TXNDC16: variants seen among roughly 807,000 people sequenced by gnomAD.
TXNDC16 encodes the protein thioredoxin domain-containing protein 16.
Under a neutral mutation model 85.6 loss-of-function variants are expected in TXNDC16, and 74 were observed. That is an observed-to-expected ratio of 0.86 (90% confidence interval 0.72 to 1.05). The LOEUF (loss-of-function observed/expected upper bound fraction) is 1.05, where lower values mean the gene tolerates loss of function less well. Ranked by LOEUF, TXNDC16 falls within the 50% of genes least tolerant of loss-of-function variation. The pLI is 0.00. For missense variants in TXNDC16, 959 were observed against 947.0 expected (o/e 1.01, Z -0.17); for synonymous variants, 335 against 326.5 (o/e 1.03, Z -0.28).
chr14:52,442,115 A>G (rs2035180138), intron 18 of TXNDC16, among the ~76,000 whole-genome samples: 1 of 152,242 alleles, frequency 6.6e-6, no homozygotes, highest in Non-Finnish European at 1.5e-5. Flanking sequence ...TATTTGTAGA[A>G]GACAATTTGT....
intron 1 of TXNDC16, among the ~76,000 whole-genome samples, chr14:52,544,695 G>C (rs1222802561): frequency 6.6e-6 from 1 of 150,648 alleles, no homozygotes; most frequent in Non-Finnish European, 1.5e-5. Flanking sequence ...TAACAAGCCG[G>C]TGTTCCTGAA....
intron 17 of TXNDC16, among the ~76,000 whole-genome samples, 174 bp from the exon 18 acceptor site, chr14:52,455,636 G>A (rs1022938478): frequency 1.3e-5 from 2 of 152,046 alleles, no homozygotes; most frequent in East Asian, 1.9e-4. Flanking sequence ...TACATTAAAA[G>A]AAAGAAACAG....
chr14:52,544,472 G>A (rs1033966564), intron 1 of TXNDC16, 101 bp from the exon 2 acceptor site: 1 of 151,968 alleles, frequency 6.6e-6, no homozygotes, highest in Non-Finnish European at 1.5e-5. Flanking sequence ...ATTTCAAACA[G>A]GACCCATCTC....
chr14:52,465,082 A>T (rs1442360546), intron 16 of TXNDC16, among the ~76,000 whole-genome samples: 2 of 152,242 alleles, frequency 1.3e-5, no homozygotes, highest in African/African-American at 4.8e-5. Flanking sequence ...TCTGAAAACA[A>T]AGTAGAAAAA....
intron 12 of TXNDC16, among the ~76,000 whole-genome samples, chr14:52,485,829 G>A (rs751277665): frequency 4.3e-4 from 66 of 152,114 alleles, no homozygotes; most frequent in Non-Finnish European, 7.9e-4. Context: ...ATCACCTAAT[G>A]ATGCATTTCT....
At chr14:52,516,747 A>G (rs1025719083) in intron 7 of TXNDC16, among the ~76,000 whole-genome samples, 20 of 151,852 alleles carry the variant, frequency 1.3e-4, no homozygotes, top group Admixed American at 1.2e-3. Context: ...CATCCCCCAC[A>G]TACTCTCCTA....
intron 6 of TXNDC16, among the ~76,000 whole-genome samples, chr14:52,522,677 T>G (rs1386905385): frequency 6.6e-6 from 1 of 152,208 alleles, no homozygotes; most frequent in Non-Finnish European, 1.5e-5. Flanking sequence ...AGACCCACTC[T>G]GTGTCATAAT....
intron 6 of TXNDC16, among the ~76,000 whole-genome samples, chr14:52,535,768 G>A (rs1353160113): frequency 6.6e-6 from 1 of 152,102 alleles, no homozygotes; most frequent in Admixed American, 6.5e-5. Context: ...TATGTGTTGG[G>A]ACAAACTCTT....
At chr14:52,532,597 C>T (rs1014887123) in intron 6 of TXNDC16, among the ~76,000 whole-genome samples, 4 of 151,934 alleles carry the variant, frequency 2.6e-5, no homozygotes, top group Admixed American at 6.6e-5. Flanking sequence ...CCACCACGCC[C>T]GGCTAATTTT....
intron 1 of TXNDC16, among the ~76,000 whole-genome samples, chr14:52,546,266 C>A (rs2037940026): frequency 6.6e-6 from 1 of 152,006 alleles, no homozygotes; most frequent in African/African-American, 2.4e-5. Context: ...AAGAGGAAGA[C>A]CCTGCCTAAA....
chr14:52,436,939 T>C (rs931877622), intron 20 of TXNDC16, among the ~76,000 whole-genome samples: 1 of 152,086 alleles, frequency 6.6e-6, no homozygotes, highest in Non-Finnish European at 1.5e-5. Flanking sequence ...TAGTATCTAA[T>C]AAAATCCTTA....
At chr14:52,432,716 A>G in intron 20 of TXNDC16, 129 bp from the exon 21 acceptor site, 1 of 931,636 alleles carries the variant, frequency 1.1e-6, no homozygotes, top group Non-Finnish European at 1.5e-6. Flanking sequence ...TACTTATCTA[A>G]GCAAAGCTAG....
chr14:52,439,767 T>A (rs1339354416), intron 19 of TXNDC16, among the ~76,000 whole-genome samples: 1 of 152,202 alleles, frequency 6.6e-6, no homozygotes, highest in Non-Finnish European at 1.5e-5. Context: ...AACTAGAAGA[T>A]AACAAGATAC....
At chr14:52,514,734 A>G in intron 8 of TXNDC16, 146 bp downstream of exon 8, 1 of 581,686 alleles carries the variant, frequency 1.7e-6, no homozygotes, top group Non-Finnish European at 3.0e-6. Flanking sequence ...AGGGGATTTC[A>G]GGTTTCATTT....
intron 16 of TXNDC16, among the ~76,000 whole-genome samples, chr14:52,459,867 C>T (rs192611392): frequency 1.5e-3 from 236 of 152,268 alleles, no homozygotes; most frequent in Non-Finnish European, 2.8e-3. Context: ...AATACCCCTT[C>T]ATGTTAAAAA....
intron 20 of TXNDC16, among the ~76,000 whole-genome samples, chr14:52,434,665 C>A (rs893261904): frequency 6.6e-6 from 1 of 152,166 alleles, no homozygotes; most frequent in Non-Finnish European, 1.5e-5. Context: ...CTGAGTTAGG[C>A]TATTTCCAGA....
At chr14:52,529,774 T>A (rs1341174872) in intron 6 of TXNDC16, among the ~76,000 whole-genome samples, 1 of 117,904 alleles carries the variant, frequency 8.5e-6, no homozygotes, top group Non-Finnish European at 1.6e-5. Flanking sequence ...ATTATATATA[T>A]ACCTAGTATA....
chr14:52,474,279 C>T (rs1400064961), intron 14 of TXNDC16, among the ~76,000 whole-genome samples: 1 of 152,152 alleles, frequency 6.6e-6, no homozygotes, highest in Non-Finnish European at 1.5e-5. Flanking sequence ...GAACATTATC[C>T]AATCACTACT....
chr14:52,503,952 A>C (rs1253717460), intron 9 of TXNDC16, among the ~76,000 whole-genome samples: 1 of 152,240 alleles, frequency 6.6e-6, no homozygotes, highest in Non-Finnish European at 1.5e-5. Flanking sequence ...AGCTGACTCA[A>C]TCAACTGGAA....
Sources: allele counts gnomAD v4.1 joint callset (sites outside exome capture counted in the v4.1 genomes callset), GRCh38; gene constraint gnomAD v4.1.1; transcripts MANE v1.5; gene names NCBI Gene and HGNC (gene_info 2026-07-23, HGNC 2026-07-21).